SCN8A: variants seen among roughly 807,000 people sequenced by gnomAD.
SCN8A encodes the protein sodium channel protein type 8 subunit alpha.
SCN8A carries 30 observed loss-of-function variants against 184.1 expected under a neutral mutation model. The ratio of observed to expected loss-of-function variants is 0.16; its 90% CI spans 0.12 to 0.22. The LOEUF is 0.22. Ranked by LOEUF, SCN8A falls within the 10% of genes least tolerant of loss-of-function variation. The pLI, the probability that SCN8A is intolerant of heterozygous loss-of-function variation, is 1.00. For synonymous variants in SCN8A, 852 were observed against 907.0 expected, an observed-to-expected ratio of 0.94 and a Z score of 1.09; for missense variants, 1,057 against 2,498.9, an observed-to-expected ratio of 0.42 and a Z score of 12.30.
At chr12:51,771,403 T>C (rs1185579493) in intron 19 of SCN8A, among the ~76,000 whole-genome samples, 1 of 151,762 alleles carries the variant, frequency 6.6e-6, no homozygotes, top group African/African-American at 2.4e-5. Flanking sequence ...CACATTCATG[T>C]AGGTGTGGAA....
intron 26 of SCN8A, 130 bp downstream of exon 26, chr12:51,794,771 T>C (rs1302370029): frequency 1.7e-5 from 15 of 862,000 alleles, no homozygotes; most frequent in Non-Finnish European, 2.5e-5. Flanking sequence ...CTTAAGTCCA[T>C]GTGTGCCCCT....
At chr12:51,696,183 T>G (rs1215792769) in intron 6 of SCN8A, among the ~76,000 whole-genome samples, 1 of 152,206 alleles carries the variant, frequency 6.6e-6, no homozygotes, top group Non-Finnish European at 1.5e-5. Context: ...TTTGGAAAGG[T>G]GATTGTCTGA....
chr12:51,598,608 C>T (rs2138552655), intron 1 of SCN8A, among the ~76,000 whole-genome samples: 1 of 152,210 alleles, frequency 6.6e-6, no homozygotes, highest in East Asian at 1.9e-4. Flanking sequence ...GTTTCTCTTC[C>T]ATTGTCTTGA....
intron 14 of SCN8A, among the ~76,000 whole-genome samples, chr12:51,754,456 A>G (rs1246337947): frequency 6.6e-6 from 1 of 151,940 alleles, no homozygotes; most frequent in Non-Finnish European, 1.5e-5. Flanking sequence ...CCAGGAAATT[A>G]ACATTGATAC....
intron 2 of SCN8A, among the ~76,000 whole-genome samples, chr12:51,671,500 A>C (rs770235365): frequency 6.6e-5 from 10 of 152,150 alleles, no homozygotes; most frequent in Non-Finnish European, 1.3e-4. Flanking sequence ...TAATTTTAGG[A>C]ATTAGTTTCT....
chr12:51,614,496 G>A (rs1939789760), intron 1 of SCN8A, among the ~76,000 whole-genome samples: 1 of 151,976 alleles, frequency 6.6e-6, no homozygotes, highest in Admixed American at 6.5e-5. Context: ...TTATAGAAGT[G>A]TTGCAAAAAT....
chr12:51,625,320 TTCAC>T (rs1940055462), intron 1 of SCN8A, among the ~76,000 whole-genome samples: 1 of 152,238 alleles, frequency 6.6e-6, no homozygotes. Flanking sequence ...GTATTTAAGA[TTCAC>T]TCATATTGTT....
chr12:51,721,643 G>A lies in SCN8A; in HGVS notation c.1733G>A (p.Gly578Asp). ...GGACCTGGGCGGTTCCGAGACCCGG[G>A]CTCCGAGAATGAGTTCGCGGATGAC... ...FRGPGRFRDPGSENEFADDEH... is the reference protein window; with the variant it reads ...FRGPGRFRDPDSENEFADDEH... Residue 578 changes from glycine to aspartate, a missense_variant, in exon 12 of 27, where the codon GGC (glycine) becomes GAC (aspartate). This residue lies in a region of SCN8A where 322 missense variants were observed against 390.1 expected (regional missense o/e 0.83). Coordinates refer to ENST00000627620, the MANE Select transcript of SCN8A (RefSeq NM_001330260.2). 6.2e-7 allele frequency: 1 copy of A among 1,611,444 alleles called. No individual in the cohort carries two copies. Among genetic ancestry groups the A allele is most frequent in the Non-Finnish European group, 8.5e-7 (1 of 1,178,806 alleles).
intron 11 of SCN8A, among the ~76,000 whole-genome samples, chr12:51,721,081 T>TATA (rs1383248501): frequency 1.2e-5 from 1 of 86,818 alleles, no homozygotes; most frequent in African/African-American, 4.7e-5. Context: ...AAAAAAAAAA[T>TATA]TATATATATA....
intron 9 of SCN8A, among the ~76,000 whole-genome samples, chr12:51,703,972 C>T (rs1449019642): frequency 6.6e-6 from 1 of 151,992 alleles, no homozygotes; most frequent in Non-Finnish European, 1.5e-5. Context: ...GAGGCGCAAT[C>T]TCTGTTCACT....
chr12:51,665,983 A>AC, intron 2 of SCN8A, among the ~76,000 whole-genome samples: 1 of 152,168 alleles, frequency 6.6e-6, no homozygotes, highest in South Asian at 2.1e-4. Context: ...AATCACTTGA[A>AC]CCCGGGAGGT....
chr12:51,769,947 C>T lies in SCN8A; in HGVS notation c.3452C>T (p.Pro1151Leu), dbSNP rs1352068232. Residue 1151 changes from proline (P) to leucine (L), a missense_variant, in exon 18 of 27, where the codon CCT becomes CTT. Transcript: ENST00000627620. ...PEVEEVPVEQ[P>L]EEYLDPDACF... Reference sequence around the variant, plus strand: ...GTAGAAGAGGTCCCTGTGGAACAGCCTGAGGAATACTTGGATCCAGATGCC... The same window carrying T: ...GTAGAAGAGGTCCCTGTGGAACAGCTTGAGGAATACTTGGATCCAGATGCC... 4 of 1,605,928 alleles carry T rather than the reference C, an allele frequency of 2.5e-6. No individual in the cohort carries two copies. Among genetic ancestry groups the T allele is most frequent in the Non-Finnish European group, 3.4e-6 (4 of 1,176,402 alleles).
intron 2 of SCN8A, among the ~76,000 whole-genome samples, chr12:51,680,004 G>T (rs1941301727): frequency 6.6e-6 from 1 of 151,882 alleles, no homozygotes. Flanking sequence ...ACTTATAGGT[G>T]GACTATCTTG....
chr12:51,600,881 C>T (rs1939449113), intron 1 of SCN8A, among the ~76,000 whole-genome samples: 1 of 152,184 alleles, frequency 6.6e-6, no homozygotes, highest in African/African-American at 2.4e-5. Context: ...AATTCCATTA[C>T]ATTTACCACA....
At chr12:51,623,715 T>A (rs969709913) in intron 1 of SCN8A, among the ~76,000 whole-genome samples, 1 of 152,208 alleles carries the variant, frequency 6.6e-6, no homozygotes, top group South Asian at 2.1e-4. Flanking sequence ...CTGCACCCAT[T>A]AACTCGTCAT....
At chr12:51,771,721 C>T (rs56326610) in intron 19 of SCN8A, among the ~76,000 whole-genome samples, 1 of 152,222 alleles carries the variant, frequency 6.6e-6, no homozygotes, top group African/African-American at 2.4e-5. Flanking sequence ...ACCACCCCGC[C>T]TGCCCCTGGG....
rs370996244 is a variant in SCN8A at position 51,805,283 on chromosome 12, A to G, written c.4796-999A>G. On this transcript the variant is annotated intron_variant, in intron 26 of 26. Transcript: ENST00000627620. ...GTAGAGACCTAAATAGATGGACCTC[A>G]TAAGACAAATACAGCCTGGATGTGG... Among the ~76,000 whole-genome samples the G allele has an allele frequency of 5.3e-5, 8 of 152,322 alleles. 1 individual carries two copies. The highest frequency in any genetic ancestry group is 1.9e-4 in the African/African-American group (8 of 41,564).
chr12:51,751,725 C>T, intron 14 of SCN8A, 132 bp downstream of exon 14: 1 of 681,528 alleles, frequency 1.5e-6, no homozygotes, highest in Non-Finnish European at 2.5e-6. Context: ...AATGCTTCCA[C>T]ATATGCCAGG....
At chr12:51,601,811 A>T (rs1370572893) in intron 1 of SCN8A, among the ~76,000 whole-genome samples, 2 of 144,168 alleles carry the variant, frequency 1.4e-5, no homozygotes, top group East Asian at 4.1e-4. Context: ...CTTGGGCTCT[A>T]CCCTGGAGCC....
Sources: allele counts gnomAD v4.1 joint callset (sites outside exome capture counted in the v4.1 genomes callset), GRCh38; gene constraint gnomAD v4.1.1; regional missense constraint gnomAD v4.1.1; transcripts MANE v1.5; gene names NCBI Gene and HGNC (gene_info 2026-07-23, HGNC 2026-07-21).